The following FAM107A variants were observed in gnomAD, a reference collection of about 807,000 sequenced individuals.
FAM107A encodes family with sequence similarity 107 member A, also known as actin-associated protein FAM107A.
In FAM107A, 19 loss-of-function variants were observed where a neutral mutation model predicts 13.7. The observed-to-expected ratio is 1.38, with a 90% confidence interval of 0.97 to 2.03. The LOEUF (loss-of-function observed/expected upper bound fraction) is 2.03, where lower values mean the gene tolerates loss of function less well. Among genes scored for constraint, FAM107A ranks in the 30% most tolerant of loss-of-function variants. FAM107A has a pLI of 0.00. For missense variants in FAM107A, 203 were observed against 184.4 expected (o/e 1.10, Z -0.58); for synonymous variants, 82 against 74.5 (o/e 1.10, Z -0.52).
intron 1 of FAM107A, among the ~76,000 whole-genome samples, chr3:58,623,225 T>C (rs2065975505): frequency 6.6e-6 from 1 of 152,196 alleles, no homozygotes; most frequent in Admixed American, 6.5e-5. Context: ...TCTATTTTTT[T>C]CCCCTTTTGT....
intron 2 of FAM107A, among the ~76,000 whole-genome samples, chr3:58,568,528 A>G (rs1256483945): frequency 6.6e-6 from 1 of 152,202 alleles, no homozygotes; most frequent in African/African-American, 2.4e-5. Context: ...TATATTACAA[A>G]TACTTTCTCT....
intron 1 of FAM107A, among the ~76,000 whole-genome samples, chr3:58,585,328 G>A (rs1039026417): frequency 1.3e-5 from 2 of 152,188 alleles, no homozygotes; most frequent in South Asian, 2.1e-4. Context: ...AATCAGATTC[G>A]TCTGATGATA....
intron 1 of FAM107A, among the ~76,000 whole-genome samples, chr3:58,622,875 C>A (rs564186531): frequency 1.3e-4 from 20 of 152,320 alleles, no homozygotes; most frequent in African/African-American, 9.6e-5. Flanking sequence ...CACAGGAGTC[C>A]TTTGGGAACC....
intron 1 of FAM107A, chr3:58,606,993 C>G (rs893627494): frequency 6.6e-6 from 1 of 152,226 alleles, no homozygotes; most frequent in Non-Finnish European, 1.5e-5. Context: ...ATTTAAGACA[C>G]AGGATCCAGC....
intron 1 of FAM107A, among the ~76,000 whole-genome samples, chr3:58,614,653 T>A (rs1398815923): frequency 2.7e-5 from 4 of 150,878 alleles, no homozygotes; most frequent in African/African-American, 7.3e-5. Flanking sequence ...TACAGGTGCC[T>A]GCCACCATGC....
intron 1 of FAM107A, among the ~76,000 whole-genome samples, chr3:58,615,668 T>C (rs2065894903): frequency 1.3e-5 from 2 of 151,674 alleles, no homozygotes; most frequent in South Asian, 2.1e-4. Flanking sequence ...GGCTGAGGTG[T>C]GTGGATTCCT....
intron 1 of FAM107A, among the ~76,000 whole-genome samples, chr3:58,572,213 C>A (rs2063691045): frequency 6.6e-6 from 1 of 152,212 alleles, no homozygotes; most frequent in South Asian, 2.1e-4. Context: ...TTTCCTGGCA[C>A]TGTGGTAGAC....
chr3:58,592,582 T>TA (rs2065662763), intron 1 of FAM107A, among the ~76,000 whole-genome samples: 3 of 152,194 alleles, frequency 2.0e-5, no homozygotes, highest in African/African-American at 7.2e-5. Context: ...TACAGTCCGA[T>TA]AACGGACCGG....
chr3:58,598,890 T>C (rs1421681863), intron 1 of FAM107A, among the ~76,000 whole-genome samples: 1 of 152,234 alleles, frequency 6.6e-6, no homozygotes, highest in Non-Finnish European at 1.5e-5. Flanking sequence ...ATGGTTTTTT[T>C]TTTAAACCAT....
At chr3:58,596,693 A>AT (rs2065710776) in intron 1 of FAM107A, among the ~76,000 whole-genome samples, 1 of 151,276 alleles carries the variant, frequency 6.6e-6, no homozygotes, top group Non-Finnish European at 1.5e-5. Flanking sequence ...AAAAAAAAAA[A>AT]TTGAGGTGTA....
chr3:58,609,690 T>C (rs2108076710), intron 1 of FAM107A, among the ~76,000 whole-genome samples: 1 of 152,262 alleles, frequency 6.6e-6, no homozygotes, highest in Non-Finnish European at 1.5e-5. Flanking sequence ...CTTCGCTGAG[T>C]CCTCAGAGCC....
In FAM107A at chr3:58,566,545, G is replaced by C. The variant is rs371537242; in HGVS notation, c.*43C>G. The C allele has an allele frequency of 1.8e-5, 26 of 1,462,700 alleles. No homozygotes were observed. In the African/African-American group the frequency reaches 2.4e-4, roughly 13 times the overall value. 90.6% of individuals were successfully genotyped at this position (1,462,700 alleles called of 1,614,324 possible). A position where few individuals can be genotyped will look rare whatever the true frequency, so the allele number is the denominator to read the frequency against. On this transcript the variant is annotated 3_prime_UTR_variant, in exon 4 of 4. Coordinates refer to ENST00000360997, the MANE Select transcript of FAM107A (RefSeq NM_001076778.3). The stretch of plus-strand genomic sequence containing the variant: ...AGGTACAGAAGGGCTGAAGGAGGCT[G>C]TCCAGGCCAGGGTGGGCAGTGGCCT...
chr3:58,567,612 C>T (rs998854327), intron 2 of FAM107A, among the ~76,000 whole-genome samples: 2 of 152,222 alleles, frequency 1.3e-5, no homozygotes, highest in African/African-American at 4.8e-5. Context: ...GCCTGTTTGA[C>T]TGCAGAGACC....
At chr3:58,622,379 T>G (rs2065964449) in intron 1 of FAM107A, among the ~76,000 whole-genome samples, 1 of 152,156 alleles carries the variant, frequency 6.6e-6, no homozygotes, top group African/African-American at 2.4e-5. Flanking sequence ...AGGTGGGGGT[T>G]GTTGTGAGCT....
upstream of FAM107A, among the ~76,000 whole-genome samples, chr3:58,578,245 T>C (rs773487622): frequency 7.9e-5 from 12 of 152,180 alleles, no homozygotes; most frequent in African/African-American, 2.7e-4. Context: ...CCATAAGTAG[T>C]GGCTCAATGA....
Position 58,609,791 on chromosome 3 carries a change from G to A in FAM107A, c.-70+17625C>T, listed in dbSNP as rs369749838. On this transcript the variant is annotated intron_variant, in intron 1 of 3. Transcript: ENST00000465970. ...TCGGGGCCCAGAATCCCCCCATGAG[G>A]CCATCTGTGACCTCTTCCTACAGCA... 7.2e-5 allele frequency among the ~76,000 whole-genome samples: 11 copies of A among 152,324 alleles called. No individual in the cohort carries two copies. In the East Asian group the frequency reaches 2.1e-3, roughly 29 times the overall value.
chr3:58,582,618 C>T (rs2065560701), upstream of FAM107A, among the ~76,000 whole-genome samples: 1 of 152,212 alleles, frequency 6.6e-6, no homozygotes, highest in Admixed American at 6.5e-5. Context: ...ATCCTGACTC[C>T]ATTGCTGGAC....
chr3:58,595,630 C>A (rs1319785777), intron 1 of FAM107A, among the ~76,000 whole-genome samples: 1 of 152,138 alleles, frequency 6.6e-6, no homozygotes, highest in Non-Finnish European at 1.5e-5. Flanking sequence ...ATAATCCCAC[C>A]ACCCTTTGCT....
chr3:58,601,253 C>A (rs2065750526), intron 1 of FAM107A, among the ~76,000 whole-genome samples: 1 of 151,372 alleles, frequency 6.6e-6, no homozygotes, highest in African/African-American at 2.4e-5. Context: ...CCCAAATCTC[C>A]AAATACTTCA....
Sources: gnomAD v4.1 joint callset for allele counts (sites outside exome capture counted in the v4.1 genomes callset) on GRCh38, gnomAD v4.1.1 for gene constraint, MANE v1.5 for transcripts, NCBI Gene and HGNC (gene_info 2026-07-23, HGNC 2026-07-21) for gene names.